Variants in NDUFAF6 observed in about 807,000 individuals in gnomAD.
The protein encoded by NDUFAF6 is NADH dehydrogenase (ubiquinone) complex I, assembly factor 6.
NDUFAF6 carries 45 observed loss-of-function variants against 40.8 expected under a neutral mutation model. The observed-to-expected ratio is 1.10, with a 90% CI of 0.87 to 1.42. The LOEUF is 1.42. NDUFAF6 is among the 40% of genes most tolerant of loss of function. The probability of loss-of-function intolerance (pLI) is 0.00; values close to 1 mark genes in which losing one functional copy is unlikely to be tolerated. For synonymous variants in NDUFAF6, 185 were observed against 155.9 expected (o/e 1.19, Z -1.39); for missense variants, 435 against 418.5 (o/e 1.04, Z -0.34).
chr8:94,899,921 T>A (rs1433720531), intron 1 of NDUFAF6, among the ~76,000 whole-genome samples: 1 of 152,044 alleles, frequency 6.6e-6, no homozygotes, highest in Non-Finnish European at 1.5e-5. Context: ...GCCCAGGAGA[T>A]CCCCCTACAT....
chr8:94,993,663 C>T (rs1044157405), intron 2 of NDUFAF6, among the ~76,000 whole-genome samples: 4 of 152,172 alleles, frequency 2.6e-5, no homozygotes, highest in East Asian at 1.9e-4. Context: ...TGAGTGAGGT[C>T]AGCTTGGACC....
At chr8:94,977,705 A>G (rs1021879723) in intron 1 of NDUFAF6, among the ~76,000 whole-genome samples, 23 of 151,784 alleles carry the variant, frequency 1.5e-4, no homozygotes, top group African/African-American at 5.6e-4. Flanking sequence ...TGGAACTTAC[A>G]TTAGTGGCCT....
chr8:95,008,658 C>T (rs1031801430), intron 2 of NDUFAF6, among the ~76,000 whole-genome samples: 1 of 152,046 alleles, frequency 6.6e-6, no homozygotes, highest in African/African-American at 2.4e-5. Context: ...AGGCACGTGC[C>T]ACTACGCCCG....
At chr8:94,943,012 T>C (rs1170633771) in intron 1 of NDUFAF6, among the ~76,000 whole-genome samples, 1 of 152,180 alleles carries the variant, frequency 6.6e-6, no homozygotes, top group Non-Finnish European at 1.5e-5. Flanking sequence ...GAAACAGGAA[T>C]GAATCCTGCA....
chr8:95,088,693 G>A (rs1464513381), intron 2 of NDUFAF6, among the ~76,000 whole-genome samples: 2 of 95,516 alleles, frequency 2.1e-5, no homozygotes, highest in Non-Finnish European at 3.8e-5. Flanking sequence ...GGGGTTTTGT[G>A]TGTGTGTGTG....
intron 1 of NDUFAF6, among the ~76,000 whole-genome samples, chr8:94,932,541 C>T (rs999516624): frequency 7.2e-5 from 11 of 152,162 alleles, no homozygotes; most frequent in African/African-American, 1.2e-4. Context: ...CGGTGGCTCA[C>T]GCCTGTAATC....
intron 2 of NDUFAF6, chr8:94,988,903 CATT>C (rs1390127559): frequency 6.6e-6 from 1 of 152,218 alleles, no homozygotes; most frequent in Non-Finnish European, 1.5e-5. Context: ...GCGTTAAAGA[CATT>C]ATGCTAAGTG....
chr8:94,958,432 G>A (rs190594069), intron 1 of NDUFAF6, among the ~76,000 whole-genome samples: 4 of 149,452 alleles, frequency 2.7e-5, no homozygotes, highest in Admixed American at 2.7e-4. Context: ...TCCTCTTCTC[G>A]TAAGGACACT....
intron 1 of NDUFAF6, among the ~76,000 whole-genome samples, chr8:94,916,816 C>CAAA (rs549687775): frequency 1.4e-4 from 14 of 96,686 alleles, no homozygotes; most frequent in Admixed American, 2.4e-4. Flanking sequence ...GACTCCATAT[C>CAAA]AAAAAAAAAA....
At chr8:94,897,659 TA>T (rs796318604) in intron 1 of NDUFAF6, among the ~76,000 whole-genome samples, 42 of 143,722 alleles carry the variant, frequency 2.9e-4, no homozygotes, top group African/African-American at 4.3e-4. Context: ...GGCACAGGCT[TA>T]AAAAAAAAAA....
At chr8:95,105,300 A>G (rs149339498), downstream of NDUFAF6, among the ~76,000 whole-genome samples, 53 of 152,284 alleles carry the variant, frequency 3.5e-4, no homozygotes, top group African/African-American at 1.2e-3. Flanking sequence ...TAGCTGAGGT[A>G]TAGCACACTG....
At chr8:95,066,004 G>A (rs922823173) in intron 9 of NDUFAF6, among the ~76,000 whole-genome samples, 1 of 152,206 alleles carries the variant, frequency 6.6e-6, no homozygotes, top group Non-Finnish European at 1.5e-5. Context: ...GAAGCAAGGT[G>A]TGAAGTATGC....
chr8:95,084,147 C>T (rs1808966134), intron 2 of NDUFAF6, among the ~76,000 whole-genome samples: 1 of 151,814 alleles, frequency 6.6e-6, no homozygotes, highest in Admixed American at 6.6e-5. Flanking sequence ...ATTAGTAAAC[C>T]CAAGTTTTGT....
At chr8:95,078,945 T>G (rs1435310671), downstream of NDUFAF6, among the ~76,000 whole-genome samples, 2 of 152,110 alleles carry the variant, frequency 1.3e-5, no homozygotes, top group Non-Finnish European at 2.9e-5. Context: ...GCACCACAGT[T>G]TGTCTACTCA....
rs1169490313 is a variant in NDUFAF6, at chr8:94,941,011, T to C, written c.-935-4472T>C. The C allele has an allele frequency of 2.6e-6, 3 of 1,166,776 alleles. No individual in the cohort carries two copies. In the Admixed American group the frequency reaches 5.5e-5, roughly 22 times the overall value. 72.3% of individuals were successfully genotyped at this position (1,166,776 alleles called of 1,614,324 possible). A position where few individuals can be genotyped will look rare whatever the true frequency, so the allele number is the denominator to read the frequency against. On this transcript the variant is annotated intron_variant, in intron 1 of 14. Transcript: ENST00000396113. ...GAGATTTCAAAACCTTGTCTTTAGTTGGCCCAATGGTACCGACAGGAGATT... is the reference window on the plus strand; with the variant it reads ...GAGATTTCAAAACCTTGTCTTTAGTCGGCCCAATGGTACCGACAGGAGATT...
At position 94,971,948 on chromosome 8, in the gene NDUFAF6, C is replaced by CA. The variant is rs533948304; in HGVS notation, c.-198-8903dup. On this transcript the variant is annotated intron_variant, in intron 1 of 9. Coordinates refer to the NDUFAF6 transcript ENST00000396111. The stretch of plus-strand genomic sequence containing the variant: ...AGCGGAAAAAAAAAAAACTCCGTCT[C>CA]AAAAAAAATTCTGACTCATCTGCAA... 3.9e-5 allele frequency among the ~76,000 whole-genome samples: 6 copies of CA among 151,940 alleles called. 1 individual carries two copies. In the South Asian group the frequency reaches 1.2e-3, roughly 32 times the overall value.
At chr8:95,039,427 T>C (rs1009044663) in intron 3 of NDUFAF6, among the ~76,000 whole-genome samples, 5 of 150,118 alleles carry the variant, frequency 3.3e-5, no homozygotes, top group African/African-American at 1.2e-4. Flanking sequence ...CACTCCAGCC[T>C]GGCGACAAAG....
chr8:95,107,831 G>A (rs931818808), downstream of NDUFAF6, among the ~76,000 whole-genome samples: 1 of 152,178 alleles, frequency 6.6e-6, no homozygotes. Context: ...GCTTGGGAGG[G>A]TATAACTGAA....
chr8:94,953,488 T>G (rs554054051), upstream of NDUFAF6, among the ~76,000 whole-genome samples: 1 of 152,172 alleles, frequency 6.6e-6, no homozygotes, highest in Admixed American at 6.5e-5. Context: ...AGAGGCGCAC[T>G]GTGTGGGGCA....
Sources: gnomAD v4.1 joint callset for allele counts (sites outside exome capture counted in the v4.1 genomes callset) on GRCh38, gnomAD v4.1.1 for gene constraint, MANE v1.5 for transcripts, NCBI Gene and HGNC (gene_info 2026-07-23, HGNC 2026-07-21) for gene names.